YLPM1: variants seen among roughly 807,000 people sequenced by gnomAD.
YLPM1 encodes the protein YLP motif containing 1, also known as YLP motif-containing protein 1.
Under a neutral mutation model 230.0 loss-of-function variants are expected in YLPM1, and 99 were observed. That is an observed-to-expected ratio of 0.43 (90% CI 0.37 to 0.51). YLPM1 has a LOEUF of 0.51. YLPM1 is among the 20% of genes least tolerant of loss of function. The pLI is 0.00. For synonymous variants in YLPM1, 984 were observed against 942.5 expected (o/e 1.04, Z -0.81); for missense variants, 2,592 against 2,707.7 (o/e 0.96, Z 0.95).
chr14:74,829,032 GA>G (rs1189478511), intron 18 of YLPM1, among the ~76,000 whole-genome samples, 180 bp from the exon 19 acceptor site: 1 of 152,166 alleles, frequency 6.6e-6, no homozygotes, highest in African/African-American at 2.4e-5. Context: ...CCAAACAATG[GA>G]AATTGCACAG....
At chr14:74,805,182 G>T (rs1594831439) in intron 6 of YLPM1, among the ~76,000 whole-genome samples, 2 of 151,854 alleles carry the variant, frequency 1.3e-5, no homozygotes, top group South Asian at 4.2e-4. Context: ...ACCACACCTG[G>T]CTAAATTTTT....
intron 6 of YLPM1, among the ~76,000 whole-genome samples, chr14:74,805,795 C>G (rs756004464): frequency 6.6e-6 from 1 of 150,538 alleles, no homozygotes; most frequent in Non-Finnish European, 1.5e-5. Context: ...ATCCACCTCC[C>G]GGGTTCAAGT....
At chr14:74,785,175 G>GTTT (rs1456208385) in intron 4 of YLPM1, among the ~76,000 whole-genome samples, 8 of 151,812 alleles carry the variant, frequency 5.3e-5, no homozygotes, top group Non-Finnish European at 8.8e-5. Flanking sequence ...TGTTTTTCTT[G>GTTT]TTCCTTTTTC....
rs1360240644 is a variant in YLPM1, at chr14:74,829,135, CCTT to C, written c.6164-74_6164-72del. On this transcript the variant is annotated intron_variant, in intron 18 of 20. Coordinates refer to ENST00000325680, the MANE Select transcript of YLPM1 (RefSeq NM_019589.3). ...GATATGCCCTCTGAAAGCGTTCCAG[CCTT>C]CTTTTCCCCTGTGTGTGTGTCGTGT... 4 of 1,565,388 alleles carry C rather than the reference CCTT, an allele frequency of 2.6e-6. No individual in the cohort carries two copies. In the African/African-American group the frequency reaches 5.5e-5, roughly 21 times the overall value.
chr14:74,803,421 G>A (rs915531776), intron 6 of YLPM1, among the ~76,000 whole-genome samples: 5 of 152,116 alleles, frequency 3.3e-5, no homozygotes, highest in African/African-American at 9.7e-5. Context: ...CAGCTCTACT[G>A]AACCTCTACT....
chr14:74,824,606 TG>T (rs1453340775), intron 18 of YLPM1, among the ~76,000 whole-genome samples: 2 of 152,124 alleles, frequency 1.3e-5, no homozygotes, highest in Non-Finnish European at 2.9e-5. Context: ...TCAGAAATGT[TG>T]GTGCTGATGA....
chr14:74,797,013 C>T (rs1267038325), intron 4 of YLPM1, among the ~76,000 whole-genome samples: 2 of 135,236 alleles, frequency 1.5e-5, no homozygotes, highest in Non-Finnish European at 3.2e-5. Context: ...CTCTTGTCAC[C>T]CAGTCTAGAG....
chr14:74,799,011 A>G lies in YLPM1; in HGVS notation c.3714A>G (p.Thr1238=). Reference sequence around the variant, plus strand: ...GTGAACGTGACTATCAAGATGATACACTAGAGCTCTATAACAGAGAGGACA... The same window carrying G: ...GTGAACGTGACTATCAAGATGATACGCTAGAGCTCTATAACAGAGAGGACA... ...RECERDYQDD[T]LELYNREDRF... The change falls in exon 5 of 21, where the codon ACA becomes ACG. Residue 1238 remains threonine (T), a synonymous_variant. Coordinates refer to ENST00000325680, the MANE Select transcript of YLPM1 (RefSeq NM_019589.3). 3 of 1,613,966 alleles carry G rather than the reference A, an allele frequency of 1.9e-6. No individual in the cohort carries two copies. The highest frequency in any genetic ancestry group is 2.5e-6 in the Non-Finnish European group (3 of 1,179,866).
intron 18 of YLPM1, among the ~76,000 whole-genome samples, chr14:74,825,370 A>G (rs1465742145): frequency 1.3e-5 from 2 of 152,126 alleles, no homozygotes; most frequent in Non-Finnish European, 1.5e-5. Flanking sequence ...CATTACTGGT[A>G]TAGGTGCTTT....
rs1404133259 is a variant in YLPM1, at chr14:74,799,077, G to A, written c.3780G>A (p.Arg1260=). Residue 1260 remains arginine, a synonymous_variant, in exon 5 of 21, where the codon AGG becomes AGA. Transcript: ENST00000325680. ...APPSRSHDGD[R]RGPWWDDWER... ...CATCTCGGTCTCATGATGGAGATAG[G>A]CGAGGCCCTTGGTGGGATGATTGGG... 1.9e-6 allele frequency: 3 copies of A among 1,613,992 alleles called. No individual in the cohort carries two copies. The highest frequency in any genetic ancestry group is 2.5e-6 in the Non-Finnish European group (3 of 1,179,880).
chr14:74,766,636 A>ATTTTTTTTTTTTT (rs34932979), intron 1 of YLPM1, among the ~76,000 whole-genome samples: 1 of 110,348 alleles, frequency 9.1e-6, no homozygotes, highest in Non-Finnish European at 1.8e-5. Context: ...ATGCCTGGCT[A>ATTTTTTTTTTTTT]TTTTTTTTTT....
intron 19 of YLPM1, among the ~76,000 whole-genome samples, chr14:74,829,727 T>G (rs1379882007): frequency 6.6e-6 from 1 of 152,170 alleles, no homozygotes; most frequent in Non-Finnish European, 1.5e-5. Context: ...CCCTTGGTAC[T>G]CTGGCCATGA....
rs1215641207 is a variant in YLPM1, at chr14:74,763,645, C to T, written c.156C>T (p.Ser52=). 1.9e-6 allele frequency: 3 copies of T among 1,590,356 alleles called. No homozygotes were observed. The highest frequency in any genetic ancestry group is 1.7e-6 in the Non-Finnish European group (2 of 1,167,236). Residue 52 remains serine (S), a synonymous_variant, in exon 1 of 21, where the codon AGC becomes AGT. Coordinates refer to ENST00000325680, the MANE Select transcript of YLPM1 (RefSeq NM_019589.3). ...CCCCCTCCTCCTCGGGCTTCATGAG[C>T]TTCCGCGAACAGCACTTGGCGCAGC... ...PAAPSSSGFM[S]FREQHLAQLQ...
intron 17 of YLPM1, among the ~76,000 whole-genome samples, chr14:74,823,694 G>T (rs1187204960): frequency 2.6e-5 from 4 of 152,100 alleles, no homozygotes; most frequent in Non-Finnish European, 5.9e-5. Context: ...ACTGGTAAAT[G>T]AATTGAGTCA....
rs532465116 is a variant in YLPM1 at position 74,763,711 on chromosome 14, C to T, written c.222C>T (p.Cys74=). The part of the protein sequence containing the change: ...LQQMHQKQMQ[C]VLQPHHLPPP... ...AGATGCACCAGAAGCAAATGCAGTG[C>T]GTGCTTCAGCCCCACCACCTTCCTC... The change falls in exon 1 of 21, where the codon TGC becomes TGT. Residue 74 remains cysteine, a synonymous_variant. Transcript: ENST00000325680. The T allele has an allele frequency of 1.9e-6, 3 of 1,545,524 alleles. No individual in the cohort carries two copies. Among genetic ancestry groups the T allele is most frequent in the African/African-American group, 2.7e-5 (2 of 73,070 alleles).
At chr14:74,781,134 G>A (rs941328561) in intron 3 of YLPM1, among the ~76,000 whole-genome samples, 200 bp from the exon 4 acceptor site, 4 of 152,102 alleles carry the variant, frequency 2.6e-5, no homozygotes, top group African/African-American at 9.7e-5. Flanking sequence ...TTCCAACTCT[G>A]TAGTAAGTTG....
Position 74,763,991 on chromosome 14 carries a change from C to G in YLPM1, c.502C>G (p.Pro168Ala), listed in dbSNP as rs746173855. The part of the protein sequence containing the change: ...MPPSQSYMPP[P>A]QPPPSYYPPT... ...CCCATCTCAGTCTTACATGCCCCCA[C>G]CTCAGCCGCCACCCTCTTACTACCC... The change falls in exon 1 of 21, where the codon CCT (proline) becomes GCT (alanine). Residue 168 changes from proline (P) to alanine (A), a missense_variant. This residue lies in a region of YLPM1 where 1,862 missense variants were observed against 1,819.8 expected (regional missense o/e 1.02). Transcript: ENST00000325680. The G allele has an allele frequency of 6.3e-6, 10 of 1,590,970 alleles. No homozygotes were observed. Among genetic ancestry groups the G allele is most frequent in the Non-Finnish European group, 6.8e-6 (8 of 1,169,382 alleles).
intron 5 of YLPM1, among the ~76,000 whole-genome samples, chr14:74,802,261 TAAAGAAAAAC>T (rs2091335008): frequency 1.3e-5 from 2 of 151,012 alleles, no homozygotes; most frequent in African/African-American, 4.9e-5. Context: ...TTGGTTGGAT[TAAAGAAAAAC>T]ATAACAAGTA....
At chr14:74,810,555 T>G in intron 9 of YLPM1, 135 bp downstream of exon 9, 1 of 919,266 alleles carries the variant, frequency 1.1e-6, no homozygotes, top group Non-Finnish European at 1.6e-6. Flanking sequence ...AGAACAATTC[T>G]GGACCAGTTT....
Sources: gnomAD v4.1 joint callset for allele counts (sites outside exome capture counted in the v4.1 genomes callset) on GRCh38, gnomAD v4.1.1 for gene constraint, gnomAD v4.1.1 regional missense constraint, MANE v1.5 for transcripts, NCBI Gene and HGNC (gene_info 2026-07-23, HGNC 2026-07-21) for gene names.